LIN7A: variants seen among roughly 807,000 people sequenced by gnomAD.
LIN7A encodes protein lin-7 homolog A.
LIN7A carries 25 observed loss-of-function variants against 29.8 expected under a neutral mutation model. The ratio of observed to expected loss-of-function variants is 0.84; its 90% CI spans 0.61 to 1.17. The LOEUF (loss-of-function observed/expected upper bound fraction) is 1.17. Among genes scored for constraint, LIN7A ranks in the 50% most tolerant of loss-of-function variants. The probability of loss-of-function intolerance (pLI) is 0.00; values close to 1 mark genes in which losing one functional copy is unlikely to be tolerated. For missense variants in LIN7A, 239 were observed against 287.0 expected, an observed-to-expected ratio of 0.83 and a Z score of 1.21; for synonymous variants, 118 against 107.5, an observed-to-expected ratio of 1.10 and a Z score of -0.60.
At chr12:80,897,057 A>AT (rs886334619) in intron 1 of LIN7A, among the ~76,000 whole-genome samples, 1 of 151,830 alleles carries the variant, frequency 6.6e-6, no homozygotes, top group Admixed American at 6.6e-5. Flanking sequence ...TATATTTAGC[A>AT]TTTTTTTCTT....
intron 5 of LIN7A, among the ~76,000 whole-genome samples, chr12:80,802,611 C>G (rs1388898772): frequency 6.6e-6 from 1 of 151,960 alleles, no homozygotes; most frequent in South Asian, 2.1e-4. Context: ...TCCTCTTACT[C>G]CATACGTTTG....
rs1555221397 is a variant in LIN7A at position 80,807,082 on chromosome 12, T to TTTTTTTTTGTTTTG, written c.*4382_*4383insCAAAACAAAAAAAA. 2.3e-3 allele frequency among the ~76,000 whole-genome samples: 304 copies of TTTTTTTTTGTTTTG among 134,604 alleles called. 7 individuals carry two copies. The highest frequency in any genetic ancestry group is 6.5e-3 in the East Asian group (30 of 4,624). The allele number at this position is 134,604 out of a possible 152,430, so 88.3% of individuals were successfully genotyped here. A position where few individuals can be genotyped will look rare whatever the true frequency, so the allele number is the denominator to read the frequency against. ...GATGGAGTTTTTTTTTTTTTTTTTT[T>TTTTTTTTTGTTTTG]TTTTTTTTTGACGGAGTCTCGCTCT... On this transcript the variant is annotated intron_variant, in intron 5 of 5. Coordinates refer to ENST00000552864, the MANE Select transcript of LIN7A (RefSeq NM_004664.4).
At chr12:80,910,272 C>A (rs1449749017) in intron 1 of LIN7A, among the ~76,000 whole-genome samples, 2 of 152,024 alleles carry the variant, frequency 1.3e-5, no homozygotes, top group Non-Finnish European at 2.9e-5. Context: ...ATTTTAGTAG[C>A]TTTTTTGGCA....
Position 80,825,673 on chromosome 12 carries a change from C to G in LIN7A, c.484-13990G>C, listed in dbSNP as rs11114629. 6.8e-3 allele frequency among the ~76,000 whole-genome samples: 1,041 copies of G among 152,282 alleles called. 14 individuals are homozygous for G. Among genetic ancestry groups the G allele is most frequent in the African/African-American group, 0.023 (972 of 41,540 alleles). On this transcript the variant is annotated intron_variant, in intron 4 of 5. Transcript: ENST00000552864. Reference sequence around the variant, plus strand: ...AGCAAGGAATACATCATCCTATCTCCTCTTCCAAGATGACAGCAAGTATCA... The same window carrying G: ...AGCAAGGAATACATCATCCTATCTCGTCTTCCAAGATGACAGCAAGTATCA...
chr12:80,863,781 T>C (rs1248513164), intron 2 of LIN7A, among the ~76,000 whole-genome samples: 1 of 152,232 alleles, frequency 6.6e-6, no homozygotes, highest in Non-Finnish European at 1.5e-5. Flanking sequence ...CCCTATCCTA[T>C]ACCCCATCTG....
chr12:80,842,056 G>T (rs1872847502), intron 4 of LIN7A: 3 of 1,285,798 alleles, frequency 2.3e-6, no homozygotes, highest in Non-Finnish European at 3.0e-6. Flanking sequence ...GGTGCCTAGG[G>T]ATAGAAAAAA....
chr12:80,842,651 T>A (rs1032787658), intron 4 of LIN7A, among the ~76,000 whole-genome samples: 1 of 152,036 alleles, frequency 6.6e-6, no homozygotes. Flanking sequence ...TTAAATATTG[T>A]TACCTGCCTA....
chr12:80,841,410 G>GGAA, intron 4 of LIN7A, among the ~76,000 whole-genome samples: 1 of 144,662 alleles, frequency 6.9e-6, no homozygotes, highest in South Asian at 2.5e-4. Context: ...GAAGGAAGGA[G>GGAA]GGAAAGAAAG....
At chr12:80,837,002 G>C (rs891125329) in intron 4 of LIN7A, among the ~76,000 whole-genome samples, 2 of 151,882 alleles carry the variant, frequency 1.3e-5, no homozygotes, top group African/African-American at 4.8e-5. Flanking sequence ...AGAGGAGTCT[G>C]AATGGCTTTA....
intron 1 of LIN7A, among the ~76,000 whole-genome samples, chr12:80,927,139 A>ATTTTC (rs1342756375): frequency 9.7e-6 from 1 of 103,304 alleles, no homozygotes; most frequent in Non-Finnish European, 2.1e-5. Context: ...ACAGTAAACT[A>ATTTTC]TTTTCTTTTC....
At chr12:80,851,500 A>T (rs564766306) in intron 2 of LIN7A, among the ~76,000 whole-genome samples, 2 of 152,202 alleles carry the variant, frequency 1.3e-5, no homozygotes, top group East Asian at 3.9e-4. Flanking sequence ...TCACCTTATG[A>T]ACTTCCTTAG....
At chr12:80,909,588 G>A (rs1223632628) in intron 1 of LIN7A, among the ~76,000 whole-genome samples, 3 of 152,062 alleles carry the variant, frequency 2.0e-5, no homozygotes, top group African/African-American at 2.4e-5. Context: ...GTGTCCTCGC[G>A]TGGCAGAAGG....
At chr12:80,895,270 A>G (rs1875826507) in intron 1 of LIN7A, among the ~76,000 whole-genome samples, 1 of 152,060 alleles carries the variant, frequency 6.6e-6, no homozygotes, top group Non-Finnish European at 1.5e-5. Flanking sequence ...GAACATTATA[A>G]ACAAAACAAA....
chr12:80,851,374 A>G (rs1260787712), intron 2 of LIN7A, among the ~76,000 whole-genome samples: 2 of 145,472 alleles, frequency 1.4e-5, no homozygotes, highest in East Asian at 4.0e-4. Flanking sequence ...TTTTTTGTCT[A>G]CAAAACACAA....
At chr12:80,806,961 C>T (rs1206500378) in intron 5 of LIN7A, among the ~76,000 whole-genome samples, 3 of 151,236 alleles carry the variant, frequency 2.0e-5, no homozygotes, top group Non-Finnish European at 4.4e-5. Flanking sequence ...TCGAACTCTA[C>T]TATATCTCAT....
intron 2 of LIN7A, among the ~76,000 whole-genome samples, chr12:80,885,275 A>G (rs1446270016): frequency 5.3e-5 from 8 of 152,160 alleles, no homozygotes. Flanking sequence ...AGGCTAATCT[A>G]GCTAATTAAT....
rs1718591287 is a variant in LIN7A, at chr12:80,848,279, G to C, written c.245C>G (p.Pro82Arg). 1 of 1,613,226 alleles carries C rather than the reference G, an allele frequency of 6.2e-7. No homozygotes were observed. Among genetic ancestry groups the C allele is most frequent in the Non-Finnish European group, 8.5e-7 (1 of 1,179,464 alleles). ...MHETITVNGC[P>R]EFRARATAKA... ...TGCTGTTGCCCTCGCACGGAATTCG[G>C]GACAGCCATTAACAGTTATCGTTTC... Residue 82 changes from proline to arginine, a missense_variant, in exon 3 of 6, where the codon CCC becomes CGC. Pro to Arg is a moderately radical substitution (Grantham distance 103). Coordinates refer to ENST00000552864, the MANE Select transcript of LIN7A (RefSeq NM_004664.4).
intron 2 of LIN7A, among the ~76,000 whole-genome samples, chr12:80,864,480 A>G (rs1874040053): frequency 1.3e-5 from 2 of 152,180 alleles, no homozygotes; most frequent in South Asian, 4.1e-4. Context: ...CAGGAAGTAG[A>G]CATGTGTTTT....
chr12:80,827,416 C>T (rs542202160), intron 4 of LIN7A, among the ~76,000 whole-genome samples: 1 of 149,434 alleles, frequency 6.7e-6, no homozygotes, highest in African/African-American at 2.5e-5. Flanking sequence ...CAAAACATTT[C>T]CTTCACAGAA....
Sources: gnomAD v4.1 joint callset for allele counts (sites outside exome capture counted in the v4.1 genomes callset) on GRCh38, gnomAD v4.1.1 for gene constraint, MANE v1.5 for transcripts, NCBI Gene and HGNC (gene_info 2026-07-23, HGNC 2026-07-21) for gene names.